Variants in LRRC4C observed in about 807,000 individuals in gnomAD.
LRRC4C encodes leucine rich repeat containing 4C.
LRRC4C carries 5 observed loss-of-function variants against 33.6 expected under a neutral mutation model. That is an observed-to-expected ratio of 0.15 (90% confidence interval 0.08 to 0.31). The LOEUF is 0.31. LRRC4C is among the 10% of genes least tolerant of loss of function. The pLI is 1.00. For missense variants in LRRC4C, 560 were observed against 796.7 expected, an observed-to-expected ratio of 0.70 and a Z score of 3.58; for synonymous variants, 329 against 302.0, an observed-to-expected ratio of 1.09 and a Z score of -0.93.
At chr11:40,602,632 GAAGGATAA>G (rs1470383985) in intron 3 of LRRC4C, among the ~76,000 whole-genome samples, 1 of 152,154 alleles carries the variant, frequency 6.6e-6, no homozygotes, top group Non-Finnish European at 1.5e-5. Flanking sequence ...TTTATTAAGG[GAAGGATAA>G]AAGGAAAAAA....
chr11:41,190,021 G>T (rs1422995609), intron 1 of LRRC4C, among the ~76,000 whole-genome samples: 1 of 152,174 alleles, frequency 6.6e-6, no homozygotes, highest in Non-Finnish European at 1.5e-5. Context: ...TAATCAGATT[G>T]CAGACAGCAG....
At chr11:40,240,225 A>G (rs1321199293) in intron 5 of LRRC4C, among the ~76,000 whole-genome samples, 1 of 152,194 alleles carries the variant, frequency 6.6e-6, no homozygotes, top group Non-Finnish European at 1.5e-5. Context: ...ACACAAAAAG[A>G]AAAAAGATTT....
intron 1 of LRRC4C, among the ~76,000 whole-genome samples, chr11:40,966,849 C>T (rs1851398589): frequency 6.6e-6 from 1 of 151,988 alleles, no homozygotes; most frequent in Non-Finnish European, 1.5e-5. Context: ...AGAGCATCTC[C>T]TAGATACCAC....
chr11:40,732,059 C>CAA (rs35385557), intron 2 of LRRC4C, among the ~76,000 whole-genome samples: 5 of 142,078 alleles, frequency 3.5e-5, no homozygotes, highest in African/African-American at 2.5e-5. Flanking sequence ...AAAAAAAAAC[C>CAA]AAAAAAAAAA....
intron 3 of LRRC4C, among the ~76,000 whole-genome samples, chr11:40,478,735 G>C (rs1953383164): frequency 6.6e-6 from 1 of 151,942 alleles, no homozygotes; most frequent in Admixed American, 6.6e-5. Context: ...AAGACCATTG[G>C]GCCAAAATAG....
At chr11:40,411,492 C>T (rs1410740320) in intron 3 of LRRC4C, among the ~76,000 whole-genome samples, 7 of 152,144 alleles carry the variant, frequency 4.6e-5, no homozygotes, top group South Asian at 2.1e-4. Context: ...TCCACTGCTC[C>T]GGAATGTATT....
At chr11:40,813,833 T>A (rs1951593739) in intron 2 of LRRC4C, among the ~76,000 whole-genome samples, 1 of 152,142 alleles carries the variant, frequency 6.6e-6, no homozygotes, top group African/African-American at 2.4e-5. Context: ...AATAGGACAG[T>A]CATTAAACCT....
chr11:40,221,348 T>G (rs924494259), intron 5 of LRRC4C, among the ~76,000 whole-genome samples: 1 of 152,228 alleles, frequency 6.6e-6, no homozygotes, highest in Non-Finnish European at 1.5e-5. Context: ...TAGTTTAAAC[T>G]GACGGATCAG....
chr11:40,992,197 G>A (rs922380655), intron 1 of LRRC4C, among the ~76,000 whole-genome samples: 29 of 151,878 alleles, frequency 1.9e-4, no homozygotes, highest in African/African-American at 6.3e-4. Context: ...AAACATATCC[G>A]AACTGACTGA....
chr11:41,156,118 A>T (rs1340960284), intron 1 of LRRC4C, among the ~76,000 whole-genome samples: 1 of 152,120 alleles, frequency 6.6e-6, no homozygotes, highest in Non-Finnish European at 1.5e-5. Context: ...AAGCAAAAAT[A>T]AACAGACTTG....
intron 3 of LRRC4C, among the ~76,000 whole-genome samples, chr11:40,404,855 T>G (rs1949901746): frequency 6.6e-6 from 1 of 151,750 alleles, no homozygotes; most frequent in South Asian, 2.1e-4. Context: ...AGGTATACAA[T>G]ATATGATATA....
chr11:40,786,401 A>C (rs2137326683), intron 2 of LRRC4C, among the ~76,000 whole-genome samples: 1 of 152,306 alleles, frequency 6.6e-6, no homozygotes, highest in East Asian at 1.9e-4. Flanking sequence ...AAATACAATA[A>C]GTAGTCACAG....
chr11:40,231,846 G>A (rs1186477291), intron 5 of LRRC4C, among the ~76,000 whole-genome samples: 1 of 152,144 alleles, frequency 6.6e-6, no homozygotes, highest in African/African-American at 2.4e-5. Flanking sequence ...TTTAAACACT[G>A]AAAGTTTTGT....
chr11:41,222,366 C>T (rs1174822420), intron 1 of LRRC4C, among the ~76,000 whole-genome samples: 1 of 152,128 alleles, frequency 6.6e-6, no homozygotes, highest in Non-Finnish European at 1.5e-5. Context: ...ACTTCCTCTC[C>T]CCCAAAGAGC....
At chr11:41,381,933 T>C (rs1953171267) in intron 1 of LRRC4C, among the ~76,000 whole-genome samples, 2 of 143,950 alleles carry the variant, frequency 1.4e-5, no homozygotes, top group Admixed American at 7.1e-5. Flanking sequence ...TATATATATA[T>C]GCATATATAT....
chr11:41,109,715 C>A (rs1941719244), intron 1 of LRRC4C, among the ~76,000 whole-genome samples: 1 of 151,964 alleles, frequency 6.6e-6, no homozygotes, highest in African/African-American at 2.4e-5. Context: ...AAAAATGAGT[C>A]CAAGGAATTT....
intron 3 of LRRC4C, among the ~76,000 whole-genome samples, chr11:40,503,668 T>C (rs1565453828): frequency 6.6e-6 from 1 of 152,204 alleles, no homozygotes; most frequent in Non-Finnish European, 1.5e-5. Flanking sequence ...TATGTCTACT[T>C]TCTTTCTTGA....
intron 3 of LRRC4C, among the ~76,000 whole-genome samples, chr11:40,577,511 G>A (rs188130456): frequency 3.3e-5 from 5 of 152,164 alleles, no homozygotes; most frequent in Non-Finnish European, 5.9e-5. Flanking sequence ...TTCTATATCG[G>A]TAGTTCTTAA....
intron 1 of LRRC4C, among the ~76,000 whole-genome samples, chr11:41,140,586 G>T (rs1370659743): frequency 1.3e-5 from 2 of 152,154 alleles, no homozygotes; most frequent in African/African-American, 2.4e-5. Context: ...AGGGTAAAAC[G>T]TTCTCTGATC....
Sources: allele counts gnomAD v4.1 joint callset (sites outside exome capture counted in the v4.1 genomes callset), GRCh38; gene constraint gnomAD v4.1.1; transcripts MANE v1.5; gene names NCBI Gene and HGNC (gene_info 2026-07-23, HGNC 2026-07-21).